The following OR10Z1 variants were observed in gnomAD, a reference collection of about 807,000 sequenced individuals.
OR10Z1 encodes olfactory receptor 10Z1.
For missense variants in OR10Z1, 468 were observed against 371.0 expected, an observed-to-expected ratio of 1.26 and a Z score of -2.15; for synonymous variants, 187 against 151.2, an observed-to-expected ratio of 1.24 and a Z score of -1.74.
chr1:158,611,166 CG>C lies in OR10Z1; in HGVS notation c.*3787del, dbSNP rs1488714505. Reference sequence around the variant, plus strand: ...ACACACACACACACACACACACACACGAGGCCATCTTTATCTTCCACATTTG... The same window carrying C: ...ACACACACACACACACACACACACACAGGCCATCTTTATCTTCCACATTTG... On this transcript the variant is annotated 3_prime_UTR_variant, in exon 2 of 2. Transcript: ENST00000641002. The C allele has an allele frequency of 3.6e-6, 5 of 1,387,616 alleles. No individual in the cohort carries two copies. Among genetic ancestry groups the C allele is most frequent in the Non-Finnish European group, 4.0e-6 (4 of 989,760 alleles). The allele number at this position is 1,387,616 out of a possible 1,614,324, so 86.0% of individuals were successfully genotyped here.
intron 1 of OR10Z1, 94 bp from the exon 2 acceptor site, chr1:158,606,232 A>C: frequency 1.7e-6 from 1 of 577,780 alleles, no homozygotes; most frequent in Non-Finnish European, 3.1e-6. Flanking sequence ...ATGTACATAC[A>C]GTCATATGGG....
Position 158,606,919 on chromosome 1 carries a change from C to CTAGTTATT in OR10Z1, c.483_490dup (p.Phe164Ter). The CTAGTTATT allele has an allele frequency of 6.2e-7, 1 of 1,614,014 alleles. No individual in the cohort carries two copies. The highest frequency in any genetic ancestry group is 8.5e-7 in the Non-Finnish European group (1 of 1,179,976). ...ATACCTCTTTGGACTGGGAATGACACTAGTTATTTTCCACCTCTCATTCTG... is the reference window on the plus strand; with the variant it reads ...ATACCTCTTTGGACTGGGAATGACACTAGTTATTTAGTTATTTTCCACCTCTCATTCTG... On this transcript the variant is annotated frameshift_variant, in exon 2 of 2. Transcript: ENST00000641002. LOFTEE classifies it low-confidence loss of function (END_TRUNC).
chr1:158,611,752 A>G lies in OR10Z1; in HGVS notation c.*4372A>G, dbSNP rs548078005. On this transcript the variant is annotated 3_prime_UTR_variant, in exon 2 of 2. Coordinates refer to ENST00000641002, the MANE Select transcript of OR10Z1 (RefSeq NM_001004478.2). ...GTGGGGACTAGCATGTTTTATGAGT[A>G]AGGTAAAATACTCAAGAAGGTAGAA... 47 of 250,096 alleles carry G rather than the reference A, an allele frequency of 1.9e-4. No individual in the cohort carries two copies. The highest frequency in any genetic ancestry group is 2.9e-4 in the Non-Finnish European group (37 of 127,100). The allele number at this position is 250,096 out of a possible 1,614,324, so 15.5% of individuals were successfully genotyped here.
chr1:158,606,430 C>T lies in OR10Z1; in HGVS notation c.-9C>T, dbSNP rs1241537369. On this transcript the variant is annotated 5_prime_UTR_variant, in exon 2 of 2. Transcript: ENST00000641002. ...AATCAACAAATCTATCAGGGATATA[C>T]CTCTCAGAATGGGGCAGACCAACGT... 2.5e-6 allele frequency: 4 copies of T among 1,582,908 alleles called. No homozygotes were observed. The highest frequency in any genetic ancestry group is 1.7e-5 in the Admixed American group (1 of 59,402).
Position 158,608,840 on chromosome 1 carries a change from TTG to T in OR10Z1, c.*1462_*1463del, listed in dbSNP as rs1289361952. The T allele has an allele frequency of 2.6e-5, 4 of 152,182 alleles. No homozygotes were observed. Among genetic ancestry groups the T allele is most frequent in the African/African-American group, 9.7e-5 (4 of 41,434 alleles). The allele number at this position is 152,182 out of a possible 1,614,324, so 9.4% of individuals were successfully genotyped here. ...GAAGTTAGTTTGAGTCATGACTTAC[TTG>T]TTGAAATAATTTGAATACCTTGCTT... On this transcript the variant is annotated 3_prime_UTR_variant, in exon 2 of 2. Coordinates refer to ENST00000641002, the MANE Select transcript of OR10Z1 (RefSeq NM_001004478.2).
Position 158,606,587 on chromosome 1 carries a change from G to C in OR10Z1, c.149G>C (p.Arg50Thr). Residue 50 changes from arginine to threonine, a missense_variant, in exon 2 of 2, where the codon AGG becomes ACG. Coordinates refer to ENST00000641002, the MANE Select transcript of OR10Z1 (RefSeq NM_001004478.2). Reference protein sequence around the residue: ...TSNVFIIIAIRLDSHLHTPMY... With the variant: ...TSNVFIIIAITLDSHLHTPMY... ...AATGTCTTCATTATCATAGCCATCA[G>C]GCTGGATAGCCATCTGCACACCCCC... 6.2e-7 allele frequency: 1 copy of C among 1,613,994 alleles called. No individual in the cohort carries two copies. Among genetic ancestry groups the C allele is most frequent in the Non-Finnish European group, 8.5e-7 (1 of 1,179,920 alleles).
chr1:158,606,644 C>T lies in OR10Z1; in HGVS notation c.206C>T (p.Ser69Phe). The T allele has an allele frequency of 6.2e-7, 1 of 1,614,042 alleles. No individual in the cohort carries two copies. The highest frequency in any genetic ancestry group is 1.1e-5 in the South Asian group (1 of 91,076). Reference protein sequence around the residue: ...MYLFLSFLSFSETCYTLGIIP... With the variant: ...MYLFLSFLSFFETCYTLGIIP... ...CTCTTCCTTTCCTTCCTATCCTTCT[C>T]TGAGACCTGCTACACTTTGGGCATC... Residue 69 changes from serine (S) to phenylalanine (F), a missense_variant, in exon 2 of 2, where the codon TCT becomes TTT. Coordinates refer to ENST00000641002, the MANE Select transcript of OR10Z1 (RefSeq NM_001004478.2).
In OR10Z1 at chr1:158,608,388, A is replaced by G. The variant is rs1649116027; in HGVS notation, c.*1008A>G. The G allele has an allele frequency of 6.6e-6, 1 of 152,166 alleles. No homozygotes were observed. Among genetic ancestry groups the G allele is most frequent in the African/African-American group, 2.4e-5 (1 of 41,442 alleles). 9.4% of individuals were successfully genotyped at this position (152,166 alleles called of 1,614,324 possible). A position where few individuals can be genotyped will look rare whatever the true frequency, so the allele number is the denominator to read the frequency against. ...CAGGAGTTTGAATCCAAACTCTTCAACTTACTAGCTGTGTGACTCTAGGTA... is the reference window on the plus strand; with the variant it reads ...CAGGAGTTTGAATCCAAACTCTTCAGCTTACTAGCTGTGTGACTCTAGGTA... On this transcript the variant is annotated 3_prime_UTR_variant, in exon 2 of 2. Transcript: ENST00000641002.
Position 158,606,620 on chromosome 1 carries a change from T to G in OR10Z1, c.182T>G (p.Leu61Arg). The change falls in exon 2 of 2, where the codon CTC becomes CGC. Residue 61 changes from leucine (L) to arginine (R), a missense_variant. Physicochemically the swap from Leu to Arg is moderately radical, Grantham distance 102. Coordinates refer to ENST00000641002, the MANE Select transcript of OR10Z1 (RefSeq NM_001004478.2). ...LDSHLHTPMY[L>R]FLSFLSFSET... The stretch of plus-strand genomic sequence containing the variant: ...AGCCATCTGCACACCCCCATGTACC[T>G]CTTCCTTTCCTTCCTATCCTTCTCT... 1 of 1,613,980 alleles carries G rather than the reference T, an allele frequency of 6.2e-7. No individual in the cohort carries two copies. The highest frequency in any genetic ancestry group is 8.5e-7 in the Non-Finnish European group (1 of 1,179,934).
chr1:158,607,529 C>CT lies in OR10Z1; in HGVS notation c.*150dup. ...CTTATCCTGCCTCTTGCCCTTCCCCCTGACTGCTTGGAATGCAGAGGCGGG... is the reference window on the plus strand; with the variant it reads ...CTTATCCTGCCTCTTGCCCTTCCCCCTTGACTGCTTGGAATGCAGAGGCGGG... On this transcript the variant is annotated 3_prime_UTR_variant, in exon 2 of 2. Coordinates refer to ENST00000641002, the MANE Select transcript of OR10Z1 (RefSeq NM_001004478.2). 6.6e-6 allele frequency: 4 copies of CT among 604,116 alleles called. No homozygotes were observed. The South Asian group carries it at 7.0e-5, about 11-fold the overall frequency. The allele number at this position is 604,116 out of a possible 1,614,324, so 37.4% of individuals were successfully genotyped here. A position where few individuals can be genotyped will look rare whatever the true frequency, so the allele number is the denominator to read the frequency against.
chr1:158,606,841 C>G lies in OR10Z1; in HGVS notation c.403C>G (p.His135Asp). ...CTGTGCTCCACTCCACTATGCCAGC[C>G]ACATGAATCCTACCCTCTGTGCCCA... is the stretch of plus-strand genomic sequence containing the variant. ...AICAPLHYAS[H>D]MNPTLCAQLV... The change falls in exon 2 of 2, where the codon CAC becomes GAC. Residue 135 changes from histidine (H) to aspartate (D), a missense_variant. Transcript: ENST00000641002. 1 of 1,614,024 alleles carries G rather than the reference C, an allele frequency of 6.2e-7. No homozygotes were observed. The highest frequency in any genetic ancestry group is 8.5e-7 in the Non-Finnish European group (1 of 1,179,992).
In OR10Z1 at chr1:158,609,475, C is replaced by T. The variant is rs973579412; in HGVS notation, c.*2095C>T. 1.3e-5 allele frequency: 2 copies of T among 152,158 alleles called. No homozygotes were observed. Among genetic ancestry groups the T allele is most frequent in the African/African-American group, 4.8e-5 (2 of 41,444 alleles). The allele number at this position is 152,158 out of a possible 1,614,324, so 9.4% of individuals were successfully genotyped here. On this transcript the variant is annotated 3_prime_UTR_variant, in exon 2 of 2. Coordinates refer to ENST00000641002, the MANE Select transcript of OR10Z1 (RefSeq NM_001004478.2). ...TCACCAGTTCATTCAGTCTGCCCAG[C>T]ATAACATTGACTAAATGCACAGTGA...
intron 1 of OR10Z1, among the ~76,000 whole-genome samples, chr1:158,605,998 T>G (rs187213640): frequency 6.6e-6 from 1 of 152,366 alleles, no homozygotes; most frequent in East Asian, 1.9e-4. Context: ...TTGCATGCTA[T>G]CTATATACAT....
Position 158,612,151 on chromosome 1 carries a change from T to G in OR10Z1, c.*4771T>G, listed in dbSNP as rs1440459506. ...CTGTTACTATCTTCTTACCTTATGC[T>G]TTAGGTATTAGGAAAATCTGTTTTC... On this transcript the variant is annotated 3_prime_UTR_variant, in exon 2 of 2. Coordinates refer to ENST00000641002, the MANE Select transcript of OR10Z1 (RefSeq NM_001004478.2). 1 of 155,292 alleles carries G rather than the reference T, an allele frequency of 6.4e-6. No homozygotes were observed. The highest frequency in any genetic ancestry group is 2.4e-5 in the African/African-American group (1 of 41,460). 9.6% of individuals were successfully genotyped at this position (155,292 alleles called of 1,614,324 possible).
In OR10Z1 at chr1:158,611,126, C is replaced by G. The variant is rs1176158517; in HGVS notation, c.*3746C>G. ...ACAATAAATGTAATATGCACACAAACACAAGCACACACACACACACACACA... is the reference window on the plus strand; with the variant it reads ...ACAATAAATGTAATATGCACACAAAGACAAGCACACACACACACACACACA... On this transcript the variant is annotated 3_prime_UTR_variant, in exon 2 of 2. Transcript: ENST00000641002. 1.4e-5 allele frequency: 15 copies of G among 1,067,694 alleles called. No individual in the cohort carries two copies. Among genetic ancestry groups the G allele is most frequent in the Non-Finnish European group, 2.0e-5 (15 of 739,646 alleles). The allele number at this position is 1,067,694 out of a possible 1,614,324, so 66.1% of individuals were successfully genotyped here. A position where few individuals can be genotyped will look rare whatever the true frequency, so the allele number is the denominator to read the frequency against.
rs764226297 is a variant in OR10Z1 at position 158,611,223 on chromosome 1, C to T, written c.*3843C>T. The T allele has an allele frequency of 8.7e-6, 14 of 1,610,670 alleles. No individual in the cohort carries two copies. In the African/African-American group the frequency reaches 1.9e-4, roughly 22 times the overall value. Reference sequence around the variant, plus strand: ...ACTCTTTGCCCCCCAGTAAATTTCCCACGACACTAAGATTTTCTACGATCC... The same window carrying T: ...ACTCTTTGCCCCCCAGTAAATTTCCTACGACACTAAGATTTTCTACGATCC... On this transcript the variant is annotated 3_prime_UTR_variant, in exon 2 of 2. Transcript: ENST00000641002.
Position 158,607,279 on chromosome 1 carries a change from G to C in OR10Z1, c.841G>C (p.Val281Leu). The C allele has an allele frequency of 6.2e-7, 1 of 1,614,010 alleles. No individual in the cohort carries two copies. The highest frequency in any genetic ancestry group is 8.5e-7 in the Non-Finnish European group (1 of 1,179,910). Reference protein sequence around the residue: ...DQLIAMTYTVVTPLLNPIVYS... With the variant: ...DQLIAMTYTVLTPLLNPIVYS... ...GCTTATTGCCATGACCTATACTGTA[G>C]TGACCCCCCTCCTTAATCCCATTGT... The change falls in exon 2 of 2, where the codon GTG becomes CTG. Residue 281 changes from valine to leucine, a missense_variant. By Grantham distance (32) the Val-to-Leu change is conservative (BLOSUM62 1). Transcript: ENST00000641002.
rs749091377 is a variant in OR10Z1, at chr1:158,611,262, T to G, written c.*3882T>G. ...TTTCTACGATCCACGAGGAGCTGCT[T>G]ATTAGTTGCCAAAGTAGGAATTGGT... On this transcript the variant is annotated 3_prime_UTR_variant, in exon 2 of 2. Coordinates refer to ENST00000641002, the MANE Select transcript of OR10Z1 (RefSeq NM_001004478.2). 6.2e-7 allele frequency: 1 copy of G among 1,613,468 alleles called. No homozygotes were observed. The highest frequency in any genetic ancestry group is 1.1e-5 in the South Asian group (1 of 91,064).
Position 158,612,102 on chromosome 1 carries a change from C to A in OR10Z1, c.*4722C>A. 1 of 154,278 alleles carries A rather than the reference C, an allele frequency of 6.5e-6. No homozygotes were observed. Among genetic ancestry groups the A allele is most frequent in the Non-Finnish European group, 1.4e-5 (1 of 69,502 alleles). 9.6% of individuals were successfully genotyped at this position (154,278 alleles called of 1,614,324 possible). Reference sequence around the variant, plus strand: ...GTGACCCTTTGTAATCTGGTTTCTGCTTAATTGTTTTCCCTTTCACTTTCT... The same window carrying A: ...GTGACCCTTTGTAATCTGGTTTCTGATTAATTGTTTTCCCTTTCACTTTCT... On this transcript the variant is annotated 3_prime_UTR_variant, in exon 2 of 2. Transcript: ENST00000641002.
Sources: allele counts gnomAD v4.1 joint callset (sites outside exome capture counted in the v4.1 genomes callset), GRCh38; gene constraint gnomAD v4.1.1; transcripts MANE v1.5; gene names NCBI Gene and HGNC (gene_info 2026-07-23, HGNC 2026-07-21).